The following SHPRH variants were observed in gnomAD, a reference collection of about 807,000 sequenced individuals.
SHPRH encodes SNF2 histone linker PHD RING helicase.
Under a neutral mutation model 202.5 loss-of-function variants are expected in SHPRH, and 106 were observed. The ratio of observed to expected loss-of-function variants is 0.52; its 90% CI spans 0.45 to 0.62. SHPRH has a LOEUF of 0.62. Among genes scored for constraint, SHPRH ranks in the 20% least tolerant of loss-of-function variants. The pLI is 0.00. For synonymous variants in SHPRH, 729 were observed against 686.0 expected, an observed-to-expected ratio of 1.06 and a Z score of -0.98; for missense variants, 1,710 against 2,020.0, an observed-to-expected ratio of 0.85 and a Z score of 2.94.
chr6:145,946,177 A>T, intron 7 of SHPRH, 56 bp downstream of exon 7: 1 of 1,294,114 alleles, frequency 7.7e-7, no homozygotes, highest in Non-Finnish European at 1.1e-6. Context: ...GGATTGCAAG[A>T]ACTCTAGCAA....
intron 25 of SHPRH, among the ~76,000 whole-genome samples, chr6:145,897,044 A>C (rs1019472984): frequency 1.3e-5 from 2 of 151,818 alleles, no homozygotes; most frequent in African/African-American, 4.8e-5. Flanking sequence ...ATATAATAAA[A>C]ATCAGAGCAG....
intron 14 of SHPRH, among the ~76,000 whole-genome samples, chr6:145,929,330 T>C (rs1470736457): frequency 6.6e-6 from 1 of 151,980 alleles, no homozygotes; most frequent in African/African-American, 2.4e-5. Context: ...ATGTTCAAAA[T>C]TGGAATAATA....
chr6:145,955,004 G>T lies in SHPRH; in HGVS notation c.319C>A (p.His107Asn), dbSNP rs1035688634. 3 of 1,613,634 alleles carry T rather than the reference G, an allele frequency of 1.9e-6. No homozygotes were observed. The highest frequency in any genetic ancestry group is 2.5e-6 in the Non-Finnish European group (3 of 1,179,882). ...VKLNIVISPYHFDNSWKAFLG... is the reference protein window; with the variant it reads ...VKLNIVISPYNFDNSWKAFLG... Reference sequence around the variant, plus strand: ...AATGCTTTCCAGGAATTATCAAAATGATAGGGAGAAATCACAATATTTAAC... The same window carrying T: ...AATGCTTTCCAGGAATTATCAAAATTATAGGGAGAAATCACAATATTTAAC... Residue 107 changes from histidine to asparagine, a missense_variant, in exon 2 of 30, where the codon CAT becomes AAT. This residue lies in a region of SHPRH where 459 missense variants were observed against 426.5 expected (regional missense o/e 1.08). Coordinates refer to ENST00000275233, the MANE Select transcript of SHPRH (RefSeq NM_001042683.3).
downstream of SHPRH, among the ~76,000 whole-genome samples, chr6:145,859,740 G>GT (rs559383098): frequency 9.3e-4 from 141 of 152,114 alleles, 1 homozygote; most frequent in African/African-American, 3.3e-3. Flanking sequence ...TGAAGCTGTT[G>GT]TAACAATACC....
chr6:145,886,513 G>C lies in SHPRH; in HGVS notation c.*178C>G. ...AATCTTTATAGATCTTTTGGAAACA[G>C]TATATTGAAAAGGACTCAATAAGTA... On this transcript the variant is annotated 3_prime_UTR_variant, in exon 30 of 30. Transcript: ENST00000275233. 1 of 1,110,200 alleles carries C rather than the reference G, an allele frequency of 9.0e-7. No homozygotes were observed. The highest frequency in any genetic ancestry group is 1.3e-6 in the Non-Finnish European group (1 of 756,840). The allele number at this position is 1,110,200 out of a possible 1,614,324, so 68.8% of individuals were successfully genotyped here. A position where few individuals can be genotyped will look rare whatever the true frequency, so the allele number is the denominator to read the frequency against.
intron 23 of SHPRH, among the ~76,000 whole-genome samples, chr6:145,915,575 GT>G (rs1246723908): frequency 6.6e-6 from 1 of 151,770 alleles, no homozygotes; most frequent in Non-Finnish European, 1.5e-5. Context: ...TAGGTTGGCT[GT>G]TTTTTTCTTT....
intron 8 of SHPRH, among the ~76,000 whole-genome samples, chr6:145,944,365 G>C (rs1177796455): frequency 1.3e-5 from 2 of 152,118 alleles, no homozygotes; most frequent in Non-Finnish European, 2.9e-5. Context: ...TTTCAAAGGG[G>C]TCTACTGGAA....
At chr6:145,890,708 T>C (rs918612101) in intron 28 of SHPRH, among the ~76,000 whole-genome samples, 1 of 152,138 alleles carries the variant, frequency 6.6e-6, no homozygotes, top group Non-Finnish European at 1.5e-5. Flanking sequence ...GTACATCTAG[T>C]TACAGAATAG....
intron 23 of SHPRH, 61 bp from the exon 24 acceptor site, chr6:145,913,610 T>C (rs1461162464): frequency 1.4e-6 from 2 of 1,411,614 alleles, no homozygotes; most frequent in Middle Eastern, 2.4e-4. Flanking sequence ...ACCTGATATA[T>C]GTTTTGCAAC....
intron 14 of SHPRH, among the ~76,000 whole-genome samples, chr6:145,931,509 C>T (rs1218767953): frequency 3.3e-5 from 5 of 151,926 alleles, no homozygotes; most frequent in Non-Finnish European, 4.4e-5. Context: ...CATGCCACCA[C>T]ACCCAGCTAG....
chr6:145,886,736 A>G lies in SHPRH; in HGVS notation c.5007T>C (p.Ala1669=). 1 of 1,613,802 alleles carries G rather than the reference A, an allele frequency of 6.2e-7. No individual in the cohort carries two copies. Among genetic ancestry groups the G allele is most frequent in the Non-Finnish European group, 8.5e-7 (1 of 1,179,792 alleles). ...CTTTGGTAAATAGGTCTGCCAGGTCAGCCACAGTCAAGACAGAGGCCTCTG... is the reference window on the plus strand; with the variant it reads ...CTTTGGTAAATAGGTCTGCCAGGTCGGCCACAGTCAAGACAGAGGCCTCTG... ...KHSEASVLTV[A]DLADLFTKET... The change falls in exon 30 of 30, where the codon GCT becomes GCC. Residue 1669 remains alanine (A), a synonymous_variant. Coordinates refer to ENST00000275233, the MANE Select transcript of SHPRH (RefSeq NM_001042683.3).
rs2128717322 is a variant in SHPRH at position 145,894,644 on chromosome 6, ACT to A, written c.4608+239_4608+240del. Among the ~76,000 whole-genome samples the A allele has an allele frequency of 1.3e-5, 2 of 152,196 alleles. 1 individual carries two copies. Among genetic ancestry groups the A allele is most frequent in the South Asian group, 4.1e-4 (2 of 4,826 alleles). On this transcript the variant is annotated intron_variant, in intron 26 of 29. Transcript: ENST00000275233. ...GAAATTCCAATTTTAAAAATATTAAACTAAGAAAATCCTTAAATGAAACTAAT... is the reference window on the plus strand; with the variant it reads ...GAAATTCCAATTTTAAAAATATTAAAAAGAAAATCCTTAAATGAAACTAAT...
intron 2 of SHPRH, among the ~76,000 whole-genome samples, chr6:145,865,963 C>T (rs1255908747): frequency 6.6e-6 from 1 of 152,234 alleles, no homozygotes; most frequent in Non-Finnish European, 1.5e-5. Context: ...CTGAGATTCA[C>T]ATCCAGGCCC....
At chr6:145,898,993 T>G (rs967850372) in intron 25 of SHPRH, among the ~76,000 whole-genome samples, 2 of 151,968 alleles carry the variant, frequency 1.3e-5, no homozygotes, top group African/African-American at 4.8e-5. Flanking sequence ...AAATTTTTTT[T>G]GGTAAAGACA....
intron 2 of SHPRH, chr6:145,877,711 T>G (rs906788201): frequency 6.6e-6 from 1 of 152,176 alleles, no homozygotes; most frequent in African/African-American, 2.4e-5. Context: ...CAACCTACCC[T>G]CTCTCTGAAG....
Position 145,886,327 on chromosome 6 carries a change from T to C in SHPRH, c.*364A>G, listed in dbSNP as rs1208642229. 3 of 603,068 alleles carry C rather than the reference T, an allele frequency of 5.0e-6. No individual in the cohort carries two copies. In the Admixed American group the frequency reaches 8.4e-5, roughly 17 times the overall value. 37.4% of individuals were successfully genotyped at this position (603,068 alleles called of 1,614,324 possible). ...ATCTATGTTTGTTCAATATACCAGG[T>C]CATATAAAACTAGACTAGTTTACTT... On this transcript the variant is annotated 3_prime_UTR_variant, in exon 30 of 30. Coordinates refer to ENST00000275233, the MANE Select transcript of SHPRH (RefSeq NM_001042683.3).
Position 145,886,090 on chromosome 6 carries a change from G to T in SHPRH, c.*601C>A. 5.8e-6 allele frequency: 1 copy of T among 172,180 alleles called. No individual in the cohort carries two copies. Among genetic ancestry groups the T allele is most frequent in the Non-Finnish European group, 1.2e-5 (1 of 80,918 alleles). The allele number at this position is 172,180 out of a possible 1,614,324, so 10.7% of individuals were successfully genotyped here. A position where few individuals can be genotyped will look rare whatever the true frequency, so the allele number is the denominator to read the frequency against. On this transcript the variant is annotated 3_prime_UTR_variant, in exon 30 of 30. Coordinates refer to ENST00000275233, the MANE Select transcript of SHPRH (RefSeq NM_001042683.3). ...AAATATGAATATTTTCATTGTTTTT[G>T]TTTTCAGTAGCAAGATGCAGAAGAA...
intron 9 of SHPRH, among the ~76,000 whole-genome samples, chr6:145,942,127 A>T (rs1356515861): frequency 1.3e-5 from 2 of 152,228 alleles, no homozygotes; most frequent in Non-Finnish European, 2.9e-5. Flanking sequence ...GTAGCGGAGA[A>T]GGTAAAATCA....
chr6:145,954,328 A>G (rs896910411), intron 2 of SHPRH, among the ~76,000 whole-genome samples: 4 of 152,086 alleles, frequency 2.6e-5, no homozygotes, highest in Admixed American at 6.6e-5. Context: ...TTAATTCTGT[A>G]GGCAGTAATG....
Sources: gnomAD v4.1 joint callset for allele counts (sites outside exome capture counted in the v4.1 genomes callset) on GRCh38, gnomAD v4.1.1 for gene constraint, gnomAD v4.1.1 regional missense constraint, MANE v1.5 for transcripts, NCBI Gene and HGNC (gene_info 2026-07-23, HGNC 2026-07-21) for gene names.